RNF115: variants seen among roughly 807,000 people sequenced by gnomAD.
The protein encoded by RNF115 is ring finger protein 115.
In RNF115, 31 loss-of-function variants were observed where a neutral mutation model predicts 39.2. The ratio of observed to expected loss-of-function variants is 0.79; its 90% CI spans 0.59 to 1.07. RNF115 has a LOEUF of 1.07. Among genes scored for constraint, RNF115 ranks in the 50% least tolerant of loss-of-function variants. The probability of loss-of-function intolerance (pLI) is 0.00; values close to 1 mark genes in which losing one functional copy is unlikely to be tolerated. For synonymous variants in RNF115, 124 were observed against 131.0 expected (o/e 0.95, Z 0.37); for missense variants, 384 against 381.7 (o/e 1.01, Z -0.05).
intron 4 of RNF115, among the ~76,000 whole-genome samples, chr1:145,761,319 G>A (rs1053471016): frequency 6.6e-6 from 1 of 152,218 alleles, no homozygotes; most frequent in Non-Finnish European, 1.5e-5. Flanking sequence ...TCCAGGCCCT[G>A]TTAGAGACCT....
At chr1:145,748,946 C>T (rs1191795115) in intron 7 of RNF115, among the ~76,000 whole-genome samples, 1 of 151,822 alleles carries the variant, frequency 6.6e-6, no homozygotes, top group African/African-American at 2.4e-5. Flanking sequence ...AGAAGCCATA[C>T]CAGAAAAGCT....
chr1:145,751,023 T>C (rs192909310), intron 6 of RNF115, among the ~76,000 whole-genome samples: 210 of 152,324 alleles, frequency 1.4e-3, no homozygotes, highest in African/African-American at 5.0e-3. Flanking sequence ...GAAGCAATTA[T>C]ACATGGCATG....
intron 4 of RNF115, among the ~76,000 whole-genome samples, chr1:145,770,313 C>T (rs587730428): frequency 6.0e-4 from 91 of 152,100 alleles, no homozygotes; most frequent in African/African-American, 1.6e-3. Flanking sequence ...TATGTAATAA[C>T]GCAAGTATAG....
At chr1:145,783,071 T>C (rs929554410) in intron 3 of RNF115, among the ~76,000 whole-genome samples, 2 of 152,132 alleles carry the variant, frequency 1.3e-5, no homozygotes, top group Non-Finnish European at 2.9e-5. Context: ...CCATGTTGGC[T>C]AGGCTGGTCT....
intron 4 of RNF115, among the ~76,000 whole-genome samples, chr1:145,767,658 G>A (rs1406094486): frequency 4.6e-5 from 7 of 152,160 alleles, no homozygotes; most frequent in Non-Finnish European, 7.4e-5. Context: ...CCGAGATCAC[G>A]CCACTGCACT....
intron 4 of RNF115, among the ~76,000 whole-genome samples, chr1:145,763,811 G>A (rs1658629096): frequency 6.6e-6 from 1 of 152,184 alleles, no homozygotes; most frequent in Admixed American, 6.5e-5. Flanking sequence ...ACATGAATGT[G>A]CTGGTGTTGA....
chr1:145,795,132 A>C (rs1648910386), intron 1 of RNF115, among the ~76,000 whole-genome samples: 1 of 151,802 alleles, frequency 6.6e-6, no homozygotes, highest in Non-Finnish European at 1.5e-5. Flanking sequence ...TTCAGGAGTG[A>C]AGCCGCAGAC....
At position 145,742,889 on chromosome 1, in the gene RNF115, G is replaced by C. The variant is rs1657729051; in HGVS notation, c.*3977C>G. ...AACATTTAAGAAGCACCTGTCGGCTGGGAGTGCTAGCTCACACCTGTAATC... is the reference window on the plus strand; with the variant it reads ...AACATTTAAGAAGCACCTGTCGGCTCGGAGTGCTAGCTCACACCTGTAATC... On this transcript the variant is annotated 3_prime_UTR_variant, in exon 9 of 9. Transcript: ENST00000582693. 1 of 152,142 alleles carries C rather than the reference G, an allele frequency of 6.6e-6. No individual in the cohort carries two copies. The highest frequency in any genetic ancestry group is 2.1e-4 in the South Asian group (1 of 4,830). The allele number at this position is 152,142 out of a possible 1,614,324, so 9.4% of individuals were successfully genotyped here.
chr1:145,777,250 T>C (rs1006863482), intron 3 of RNF115, among the ~76,000 whole-genome samples: 4 of 152,184 alleles, frequency 2.6e-5, no homozygotes, highest in Non-Finnish European at 5.9e-5. Flanking sequence ...ATTTAAAATC[T>C]TGACTGGCAG....
At position 145,744,760 on chromosome 1, in the gene RNF115, G is replaced by A. The variant is rs1192997565; in HGVS notation, c.*2106C>T. On this transcript the variant is annotated 3_prime_UTR_variant, in exon 9 of 9. Transcript: ENST00000582693. The stretch of plus-strand genomic sequence containing the variant: ...ATTGTTGTGTGACAATACAAATGGT[G>A]CCCCTCTGTACCTTTTTTTGGTACA... 3 of 152,126 alleles carry A rather than the reference G, an allele frequency of 2.0e-5. No homozygotes were observed. Among genetic ancestry groups the A allele is most frequent in the Non-Finnish European group, 2.9e-5 (2 of 68,034 alleles). 9.4% of individuals were successfully genotyped at this position (152,126 alleles called of 1,614,324 possible).
At chr1:145,760,060 C>G (rs1553713650) in intron 4 of RNF115, among the ~76,000 whole-genome samples, 1 of 152,170 alleles carries the variant, frequency 6.6e-6, no homozygotes, top group African/African-American at 2.4e-5. Context: ...TCCACGAGGG[C>G]AGTCATTCTT....
At chr1:145,747,881 G>C in intron 8 of RNF115, 114 bp downstream of exon 8, 1 of 763,732 alleles carries the variant, frequency 1.3e-6, no homozygotes, top group Non-Finnish European at 2.3e-6. Flanking sequence ...AACAGTATCA[G>C]AGTAAGCCAG....
intron 1 of RNF115, among the ~76,000 whole-genome samples, chr1:145,823,504 C>G (rs1442709795): frequency 1.7e-5 from 2 of 120,868 alleles, no homozygotes; most frequent in East Asian, 5.5e-4. Context: ...GGGAAACTTG[C>G]TAAGAAAAAA....
chr1:145,785,485 C>A (rs587654102), intron 2 of RNF115, among the ~76,000 whole-genome samples: 94 of 152,222 alleles, frequency 6.2e-4, no homozygotes, highest in Non-Finnish European at 1.1e-3. Flanking sequence ...AATATTAAAT[C>A]CCATTGTCCC....
Position 145,785,731 on chromosome 1 carries a change from CTAGT to C in RNF115, c.162-1139_162-1136del, listed in dbSNP as rs140669142. Among the ~76,000 whole-genome samples the C allele has an allele frequency of 2.3e-3, 346 of 152,298 alleles. 10 individuals are homozygous for C. The East Asian group carries it at 0.059, about 26-fold the overall frequency. On this transcript the variant is annotated intron_variant, in intron 2 of 8. Coordinates refer to ENST00000582693, the MANE Select transcript of RNF115 (RefSeq NM_014455.4). The stretch of plus-strand genomic sequence containing the variant: ...AGCTCACTGAGGAAACAAACACACC[CTAGT>C]TAGTCTGAAACCAAAAGTGAAAAAG...
At position 145,809,118 on chromosome 1, in the gene RNF115, T is replaced by A. The variant is rs189539654; in HGVS notation, c.102+14654A>T. Among the ~76,000 whole-genome samples the A allele has an allele frequency of 5.9e-5, 9 of 152,000 alleles. No individual in the cohort carries two copies. The East Asian group carries it at 1.5e-3, about 26-fold the overall frequency. ...CCACTAACTAATGGCAAGTGGTCCA[T>A]CAAACTGCTGCTTTGAGCCAACCCT... On this transcript the variant is annotated intron_variant, in intron 1 of 8. Transcript: ENST00000582693.
chr1:145,764,579 A>G (rs1464581844), intron 4 of RNF115, among the ~76,000 whole-genome samples: 28 of 117,504 alleles, frequency 2.4e-4, no homozygotes, highest in East Asian at 2.6e-4. Flanking sequence ...GCCCCGTCTG[A>G]GAAGTGAGGA....
intron 1 of RNF115, among the ~76,000 whole-genome samples, chr1:145,791,405 G>A (rs1435770217): frequency 6.7e-6 from 1 of 150,366 alleles, no homozygotes; most frequent in Admixed American, 6.6e-5. Flanking sequence ...CCAGCTACTC[G>A]AGAGGCTAAG....
At chr1:145,751,308 G>A in intron 6 of RNF115, 130 bp downstream of exon 6, 1 of 623,346 alleles carries the variant, frequency 1.6e-6, no homozygotes. Flanking sequence ...TAGTAAAATG[G>A]AAACCCCAAA....
Sources: allele counts gnomAD v4.1 joint callset (sites outside exome capture counted in the v4.1 genomes callset), GRCh38; gene constraint gnomAD v4.1.1; transcripts MANE v1.5; gene names NCBI Gene and HGNC (gene_info 2026-07-23, HGNC 2026-07-21).